ENPP2: variants seen among roughly 807,000 people sequenced by gnomAD.
ENPP2 encodes the protein ectonucleotide pyrophosphatase/phosphodiesterase 2, also known as autotaxin.
ENPP2 carries 51 observed loss-of-function variants against 120.2 expected under a neutral mutation model. The ratio of observed to expected loss-of-function variants is 0.42; its 90% CI spans 0.34 to 0.54. The LOEUF is 0.54. Among genes scored for constraint, ENPP2 ranks in the 20% least tolerant of loss-of-function variants. ENPP2 has a pLI of 0.04. For synonymous variants in ENPP2, 365 were observed against 366.4 expected (o/e 1.00, Z 0.04); for missense variants, 920 against 1,066.5 (o/e 0.86, Z 1.91).
chr8:119,645,502 C>T (rs910250565), intron 1 of ENPP2, among the ~76,000 whole-genome samples: 1 of 152,158 alleles, frequency 6.6e-6, no homozygotes, highest in Non-Finnish European at 1.5e-5. Flanking sequence ...TTCATCCCTT[C>T]AGCTTCATTA....
intron 19 of ENPP2, chr8:119,571,757 A>G (rs1266695282): frequency 6.5e-6 from 1 of 153,292 alleles, no homozygotes; most frequent in African/African-American, 2.4e-5. Flanking sequence ...ATTTAAAAAA[A>G]AATAAATTCT....
At chr8:119,650,537 A>G (rs1817598261) in intron 1 of ENPP2, among the ~76,000 whole-genome samples, 1 of 152,228 alleles carries the variant, frequency 6.6e-6, no homozygotes, top group African/African-American at 2.4e-5. Flanking sequence ...CAGAGAAGCA[A>G]ATTCCAAAGC....
At chr8:119,596,315 T>C (rs539865960) in intron 11 of ENPP2, among the ~76,000 whole-genome samples, 11 of 152,366 alleles carry the variant, frequency 7.2e-5, no homozygotes, top group Admixed American at 6.5e-4. Flanking sequence ...ACAAGCTCTG[T>C]ATTCCATAAC....
At position 119,570,744 on chromosome 8, in the gene ENPP2, G is replaced by A; in HGVS notation, c.1878C>T (p.Phe626=). 2 of 1,590,244 alleles carry A rather than the reference G, an allele frequency of 1.3e-6. No individual in the cohort carries two copies. The highest frequency in any genetic ancestry group is 1.4e-5 in the African/African-American group (1 of 74,072). The change falls in exon 20 of 25, where the codon TTC becomes TTT. Residue 626 remains phenylalanine, a synonymous_variant. Coordinates refer to ENST00000075322, the MANE Select transcript of ENPP2 (RefSeq NM_001040092.3). ...TATATGATGTCCAGAGTGGCATTAG[G>A]AATATTTCACTATAACCACTTTCAA... ...TDFESGYSEI[F]LMPLWTSYTV...
chr8:119,668,429 C>CTTTTTTTTTTTTTTTTTT (rs5894492), intron 1 of ENPP2, among the ~76,000 whole-genome samples: 8 of 110,546 alleles, frequency 7.2e-5, no homozygotes, highest in African/African-American at 1.0e-4. Context: ...TTTTCTTTTT[C>CTTTTTTTTTTTTTTTTTT]TTTTTTTTTT....
In ENPP2 at chr8:119,668,553, C is replaced by T. The variant is rs567910927; in HGVS notation, c.21+4699G>A. Among the ~76,000 whole-genome samples the T allele has an allele frequency of 2.0e-3, 307 of 151,492 alleles. 1 individual carries two copies. The highest frequency in any genetic ancestry group is 3.6e-3 in the Non-Finnish European group (247 of 67,878). On this transcript the variant is annotated intron_variant, in intron 1 of 25. Coordinates refer to the ENPP2 transcript ENST00000427067. The stretch of plus-strand genomic sequence containing the variant: ...AAGCAATTCTCCTTCCTCAGCCTCC[C>T]GAGTACCTGGGACTACAGGCACTTG...
intron 1 of ENPP2, among the ~76,000 whole-genome samples, chr8:119,671,088 A>G (rs1818229336): frequency 6.8e-6 from 1 of 147,484 alleles, no homozygotes; most frequent in Admixed American, 7.0e-5. Context: ...AGAGTTCAAA[A>G]CCAGCCTGGC....
In ENPP2 at chr8:119,557,698, T is replaced by A. The variant is rs373577051; in HGVS notation, c.2422-7A>T. 13 of 1,540,748 alleles carry A rather than the reference T, an allele frequency of 8.4e-6. No individual in the cohort carries two copies. The African/African-American group carries it at 1.3e-4, about 15-fold the overall frequency. On this transcript the variant is annotated splice_polypyrimidine_tract_variant and splice_region_variant and intron_variant, in intron 24 of 24. Transcript: ENST00000075322. Reference sequence around the variant, plus strand: ...TTGATTCGTCCTCTGAGCTCTGCAATGGAAACAGAACAAAATCAGAATCAG... The same window carrying A: ...TTGATTCGTCCTCTGAGCTCTGCAAAGGAAACAGAACAAAATCAGAATCAG...
intron 5 of ENPP2, chr8:119,618,300 A>G (rs1423494377): frequency 2.0e-6 from 1 of 495,080 alleles, no homozygotes. Flanking sequence ...TCTCCCCAGG[A>G]GATGCTTTTG....
At chr8:119,579,386 C>T (rs1398646000) in intron 19 of ENPP2, among the ~76,000 whole-genome samples, 1 of 152,166 alleles carries the variant, frequency 6.6e-6, no homozygotes, top group African/African-American at 2.4e-5. Flanking sequence ...AGCATTAAGA[C>T]ACAGTGCACA....
intron 8 of ENPP2, among the ~76,000 whole-genome samples, chr8:119,613,395 C>T (rs914413799): frequency 6.6e-6 from 1 of 152,216 alleles, no homozygotes; most frequent in Non-Finnish European, 1.5e-5. Flanking sequence ...ACAATTGCCT[C>T]ATCCCATCTA....
intron 8 of ENPP2, among the ~76,000 whole-genome samples, chr8:119,613,700 C>T (rs16892869): frequency 0.093 from 14,114 of 152,026 alleles, 2,026 homozygotes; most frequent in African/African-American, 0.31. Flanking sequence ...GTTGCTTATA[C>T]TCTTATACTT....
At chr8:119,582,639 A>G in intron 17 of ENPP2, 37 bp from the exon 18 acceptor site, 2 of 1,471,200 alleles carry the variant, frequency 1.4e-6, no homozygotes, top group African/African-American at 1.4e-5. Flanking sequence ...GGTGCTTCTT[A>G]TATTTTTTTG....
rs183434260 is a variant in ENPP2, at chr8:119,567,894, T to C, written c.2131+281A>G. Among the ~76,000 whole-genome samples, 344 of 152,330 alleles carry C rather than the reference T, an allele frequency of 2.3e-3. 3 individuals are homozygous for C. The South Asian group carries it at 0.023, about 10-fold the overall frequency. ...TTCAGTTTCTACCATGCATGACCTG[T>C]GGTCACTTTCTGTGATATCAATTTC... On this transcript the variant is annotated intron_variant, in intron 22 of 24. Coordinates refer to ENST00000075322, the MANE Select transcript of ENPP2 (RefSeq NM_001040092.3).
chr8:119,564,769 GA>G, intron 23 of ENPP2, 53 bp downstream of exon 23: 6 of 1,542,160 alleles, frequency 3.9e-6, no homozygotes, highest in Non-Finnish European at 4.4e-6. Flanking sequence ...AAAACTTCTT[GA>G]GTGAGATCTT....
At chr8:119,619,711 TAAA>T (rs561905279) in intron 4 of ENPP2, among the ~76,000 whole-genome samples, 3 of 110,520 alleles carry the variant, frequency 2.7e-5, no homozygotes, top group African/African-American at 3.4e-5. Flanking sequence ...CTTTAGATGC[TAAA>T]AAAAAAAAAA....
chr8:119,673,058 C>T (rs1818298880), intron 1 of ENPP2, among the ~76,000 whole-genome samples: 1 of 152,328 alleles, frequency 6.6e-6, no homozygotes, highest in Non-Finnish European at 1.5e-5. Context: ...GCAATGAAAA[C>T]TTGAAATGAG....
In ENPP2 at chr8:119,592,900, AC is replaced by A. The variant is rs1289855077; in HGVS notation, c.1081+851del. 3 of 525,248 alleles carry A rather than the reference AC, an allele frequency of 5.7e-6. No individual in the cohort carries two copies. In the African/African-American group the frequency reaches 6.8e-5, roughly 12 times the overall value. 32.5% of individuals were successfully genotyped at this position (525,248 alleles called of 1,614,324 possible). ...AGGACATTCTGGAAAGACCTTCAGG[AC>A]CAGAGCTAGGGAGATTTGCCTACCA... On this transcript the variant is annotated intron_variant, in intron 12 of 24. Transcript: ENST00000075322.
chr8:119,572,192 A>T, intron 19 of ENPP2: 3 of 1,554,510 alleles, frequency 1.9e-6, no homozygotes, highest in Non-Finnish European at 2.6e-6. Context: ...TAGGTTCAAA[A>T]TTTCCATTAA....
Sources: allele counts gnomAD v4.1 joint callset (sites outside exome capture counted in the v4.1 genomes callset), GRCh38; gene constraint gnomAD v4.1.1; transcripts MANE v1.5; gene names NCBI Gene and HGNC (gene_info 2026-07-23, HGNC 2026-07-21).